MGST1: variants seen among roughly 807,000 people sequenced by gnomAD.
The protein encoded by MGST1 is microsomal glutathione S-transferase 1, also known as glutathione S-transferase 12.
MGST1 carries 5 observed loss-of-function variants against 8.9 expected under a neutral mutation model. The observed-to-expected ratio is 0.56, with a 90% CI of 0.29 to 1.19. MGST1 has a LOEUF of 1.19. MGST1 is among the 50% of genes most tolerant of loss of function. The pLI, the probability that MGST1 is intolerant of heterozygous loss-of-function variation, is 0.08. For missense variants in MGST1, 182 were observed against 187.4 expected (o/e 0.97, Z 0.17); for synonymous variants, 54 against 67.8 (o/e 0.80, Z 1.00).
intron 4 of MGST1, among the ~76,000 whole-genome samples, chr12:16,535,068 C>A (rs971629461): frequency 6.6e-6 from 1 of 152,170 alleles, no homozygotes; most frequent in Non-Finnish European, 1.5e-5. Flanking sequence ...GGGTTTGACT[C>A]CCTTATAGGC....
intron 1 of MGST1, among the ~76,000 whole-genome samples, chr12:16,424,330 A>G (rs905490223): frequency 4.6e-5 from 7 of 152,206 alleles, no homozygotes; most frequent in African/African-American, 9.7e-5. Flanking sequence ...GAAACAGACA[A>G]TATTTTCAAT....
At chr12:16,579,234 G>A (rs1943087447) in intron 4 of MGST1, among the ~76,000 whole-genome samples, 1 of 152,122 alleles carries the variant, frequency 6.6e-6, no homozygotes, top group African/African-American at 2.4e-5. Flanking sequence ...TCATTAAATG[G>A]TTTGGCTGTT....
At chr12:16,477,774 G>A (rs1225442082) in intron 4 of MGST1, among the ~76,000 whole-genome samples, 1 of 151,994 alleles carries the variant, frequency 6.6e-6, no homozygotes, top group East Asian at 1.9e-4. Context: ...GCATCATTTT[G>A]CTATTTTGTT....
intron 1 of MGST1, among the ~76,000 whole-genome samples, chr12:16,436,302 C>T (rs1166805084): frequency 6.6e-6 from 1 of 151,936 alleles, no homozygotes. Flanking sequence ...GCCCTGTCCT[C>T]AAGCATTTTA....
rs74553279 is a variant in MGST1 at position 16,526,784 on chromosome 12, G to A, written n.483-62744G>A. ...AGGCTGTGAAAAGTGAGCCAGGAAG[G>A]GAGAAGCCCTGTTTTGAATGCCAAA... On this transcript the variant is annotated intron_variant and non_coding_transcript_variant, in intron 4 of 4. Coordinates refer to the MGST1 transcript ENST00000538857. Among the ~76,000 whole-genome samples, 19 of 152,046 alleles carry A rather than the reference G, an allele frequency of 1.2e-4. No homozygotes were observed. The East Asian group carries it at 1.9e-3, about 16-fold the overall frequency.
downstream of MGST1, among the ~76,000 whole-genome samples, chr12:16,442,509 GTT>G (rs893669499): frequency 2.4e-4 from 36 of 151,696 alleles, no homozygotes; most frequent in African/African-American, 8.7e-4. The surrounding 1 kb of genome is among the most constrained non-coding windows in gnomAD (Gnocchi z 4.5). Flanking sequence ...TAAGGTCTTT[GTT>G]TTTATTTATT....
At position 16,560,552 on chromosome 12, in the gene MGST1, C is replaced by CT. The variant is rs764584553; in HGVS notation, n.483-28976_483-28975insT. On this transcript the variant is annotated intron_variant and non_coding_transcript_variant, in intron 4 of 4. Transcript: ENST00000538857. This position sits in a 1 kb window ranked among gnomAD's most constrained non-coding sequence, Gnocchi z 5.0. ...ACACCAAAGAGCCTAGAATAAGAAA[C>CT]ATTTTTTTTTTTTTACAAACTCTTA... 6.4e-7 allele frequency: 1 copy of CT among 1,551,112 alleles called. No homozygotes were observed. The highest frequency in any genetic ancestry group is 8.7e-7 in the Non-Finnish European group (1 of 1,149,250).
intron 4 of MGST1, among the ~76,000 whole-genome samples, chr12:16,477,087 T>A (rs1941328693): frequency 6.6e-6 from 1 of 152,236 alleles, no homozygotes; most frequent in Non-Finnish European, 1.5e-5. Context: ...CAAATTGCTT[T>A]GAGCTGTTGG....
intron 3 of MGST1, among the ~76,000 whole-genome samples, chr12:16,359,314 A>C (rs1939881544): frequency 6.6e-6 from 1 of 152,172 alleles, no homozygotes; most frequent in African/African-American, 2.4e-5. Flanking sequence ...TTCAGCACTA[A>C]AATTAAAAGT....
chr12:16,385,353 G>T (rs1422410811), intron 1 of MGST1, among the ~76,000 whole-genome samples: 2 of 152,122 alleles, frequency 1.3e-5, no homozygotes, highest in Non-Finnish European at 2.9e-5. Context: ...GTCATTAGGT[G>T]GAGGGAGGTT....
Position 16,401,829 on chromosome 12 carries a change from A to C in MGST1, n.778+18225A>C. ...AACTATTTCCATGACTCTTTCCTTG[A>C]AGAATTTGTTGAAGACTTCAGAAGT... On this transcript the variant is annotated intron_variant and non_coding_transcript_variant, in intron 1 of 1. Coordinates refer to the MGST1 transcript ENST00000359720. This position sits in a 1 kb window ranked among gnomAD's most constrained non-coding sequence, Gnocchi z 4.3. 1 of 1,604,818 alleles carries C rather than the reference A, an allele frequency of 6.2e-7. No homozygotes were observed. Among genetic ancestry groups the C allele is most frequent in the Non-Finnish European group, 8.5e-7 (1 of 1,171,524 alleles).
At chr12:16,496,459 C>T (rs1941470519) in intron 4 of MGST1, among the ~76,000 whole-genome samples, 1 of 152,078 alleles carries the variant, frequency 6.6e-6, no homozygotes, top group African/African-American at 2.4e-5. Flanking sequence ...AACAGCAACA[C>T]ACATTTTAAG....
intron 4 of MGST1, among the ~76,000 whole-genome samples, chr12:16,450,594 G>A (rs922732975): frequency 1.3e-5 from 2 of 151,824 alleles, no homozygotes; most frequent in East Asian, 1.9e-4. Flanking sequence ...ACTCAGAATC[G>A]CACTAGTGTA....
At chr12:16,519,511 G>C (rs1022987238) in intron 4 of MGST1, among the ~76,000 whole-genome samples, 31 of 152,186 alleles carry the variant, frequency 2.0e-4, no homozygotes, top group African/African-American at 7.2e-4. Flanking sequence ...ATATGCACTA[G>C]AGGACTCCAA....
intron 4 of MGST1, among the ~76,000 whole-genome samples, chr12:16,451,404 C>T (rs1941128062): frequency 6.6e-6 from 1 of 151,718 alleles, no homozygotes; most frequent in African/African-American, 2.4e-5. Flanking sequence ...CAAAGATATA[C>T]AAAATACACT....
At position 16,560,652 on chromosome 12, in the gene MGST1, T is replaced by G; in HGVS notation, n.483-28876T>G. 2.2e-6 allele frequency: 2 copies of G among 895,124 alleles called. No homozygotes were observed. Among genetic ancestry groups the G allele is most frequent in the Non-Finnish European group, 3.4e-6 (2 of 582,158 alleles). 55.4% of individuals were successfully genotyped at this position (895,124 alleles called of 1,614,324 possible). ...AGCTACAATACACAATGCTTTATGA[T>G]GTACACAAGTGGATTTTATCCTAGG... On this transcript the variant is annotated intron_variant and non_coding_transcript_variant, in intron 4 of 4. Coordinates refer to the MGST1 transcript ENST00000538857. This position sits in a 1 kb window ranked among gnomAD's most constrained non-coding sequence, Gnocchi z 5.0.
intron 3 of MGST1, among the ~76,000 whole-genome samples, chr12:16,359,812 A>G (rs1939903433): frequency 1.3e-5 from 2 of 152,222 alleles, no homozygotes; most frequent in South Asian, 4.1e-4. Flanking sequence ...TAGTATTAGT[A>G]AGACTGAAAT....
chr12:16,425,955 A>AT (rs767952010), intron 1 of MGST1, among the ~76,000 whole-genome samples: 3 of 151,930 alleles, frequency 2.0e-5, no homozygotes, highest in Non-Finnish European at 4.4e-5. Flanking sequence ...TTTCCATTCC[A>AT]TGTTTTCTGT....
intron 1 of MGST1, among the ~76,000 whole-genome samples, chr12:16,419,185 C>T (rs140965537): frequency 6.6e-6 from 1 of 152,162 alleles, no homozygotes; most frequent in Non-Finnish European, 1.5e-5. Flanking sequence ...TGTTAGGGAT[C>T]TAACCATGAA....
Sources: allele counts gnomAD v4.1 joint callset (sites outside exome capture counted in the v4.1 genomes callset), GRCh38; gene constraint gnomAD v4.1.1; non-coding constraint Gnocchi (gnomAD v3.1); transcripts MANE v1.5; gene names NCBI Gene and HGNC (gene_info 2026-07-23, HGNC 2026-07-21).